TACR1: variants seen among roughly 807,000 people sequenced by gnomAD.
TACR1 encodes the protein substance-P receptor.
TACR1 carries 25 observed loss-of-function variants against 35.8 expected under a neutral mutation model. The ratio of observed to expected loss-of-function variants is 0.70; its 90% CI spans 0.51 to 0.98. TACR1 has a LOEUF of 0.98. Ranked by LOEUF, TACR1 falls within the 50% of genes least tolerant of loss-of-function variation. The pLI is 0.00. For missense variants in TACR1, 478 were observed against 522.9 expected, an observed-to-expected ratio of 0.91 and a Z score of 0.84; for synonymous variants, 195 against 206.7, an observed-to-expected ratio of 0.94 and a Z score of 0.48.
chr2:75,077,034 G>A (rs1366939078), intron 2 of TACR1, among the ~76,000 whole-genome samples: 1 of 152,068 alleles, frequency 6.6e-6, no homozygotes, highest in African/African-American at 2.4e-5. Flanking sequence ...GCAATGGCTC[G>A]ATCTTGGCTC....
intron 2 of TACR1, among the ~76,000 whole-genome samples, chr2:75,091,737 T>C (rs1307362071): frequency 6.6e-6 from 1 of 152,126 alleles, no homozygotes; most frequent in East Asian, 1.9e-4. Context: ...AGAAGTGGGT[T>C]CCAAAACTTA....
At chr2:75,082,744 T>G (rs1673114406) in intron 2 of TACR1, among the ~76,000 whole-genome samples, 1 of 152,288 alleles carries the variant, frequency 6.6e-6, no homozygotes, top group African/African-American at 2.4e-5. Flanking sequence ...TGTCTTTTCA[T>G]ATCCTTCATG....
At chr2:75,121,584 T>C (rs1673972315) in intron 1 of TACR1, among the ~76,000 whole-genome samples, 1 of 152,206 alleles carries the variant, frequency 6.6e-6, no homozygotes, top group Non-Finnish European at 1.5e-5. Context: ...GCACAGCCCC[T>C]GAGATGTTGC....
chr2:75,067,722 G>A (rs934979172), intron 2 of TACR1, among the ~76,000 whole-genome samples: 6 of 152,142 alleles, frequency 3.9e-5, no homozygotes, highest in Non-Finnish European at 7.4e-5. Context: ...GGTGCCCCAT[G>A]CAGAGACAAA....
intron 1 of TACR1, among the ~76,000 whole-genome samples, chr2:75,160,870 C>G (rs1002718619): frequency 3.3e-5 from 5 of 150,272 alleles, no homozygotes; most frequent in African/African-American, 1.2e-4. Context: ...CAGAGATATT[C>G]TGATATATTT....
At chr2:75,165,605 G>A (rs1675122510) in intron 1 of TACR1, among the ~76,000 whole-genome samples, 1 of 152,140 alleles carries the variant, frequency 6.6e-6, no homozygotes, top group African/African-American at 2.4e-5. Context: ...ACTGCGCCTG[G>A]CCCCATCTTC....
chr2:75,111,346 A>T (rs559911692), intron 2 of TACR1, among the ~76,000 whole-genome samples: 3 of 152,118 alleles, frequency 2.0e-5, no homozygotes, highest in African/African-American at 7.2e-5. Flanking sequence ...ATCCAGTTTT[A>T]TGGTTAGTCC....
At chr2:75,184,696 GTTAAA>G (rs1487842753) in intron 1 of TACR1, among the ~76,000 whole-genome samples, 1 of 150,892 alleles carries the variant, frequency 6.6e-6, no homozygotes, top group Admixed American at 6.6e-5. Flanking sequence ...AACCAAAAAA[GTTAAA>G]TTTATATATA....
chr2:75,055,256 TCCCTCTG>T (rs1033080818), intron 2 of TACR1, among the ~76,000 whole-genome samples: 1 of 152,238 alleles, frequency 6.6e-6, no homozygotes, highest in African/African-American at 2.4e-5. Context: ...ACTTATTCAG[TCCCTCTG>T]CATATCAAAT....
Position 75,068,770 on chromosome 2 carries a change from T to A in TACR1, c.585-15015A>T, listed in dbSNP as rs77145420. ...ATTGGGTAAATAGCACCCCCTTGAG[T>A]TGTGCAATCCACTTGACCCTGAGAG... On this transcript the variant is annotated intron_variant, in intron 2 of 4. Transcript: ENST00000305249. 8.8e-3 allele frequency among the ~76,000 whole-genome samples: 1,343 copies of A among 152,076 alleles called. 12 individuals are homozygous for A. Among genetic ancestry groups the A allele is most frequent in the African/African-American group, 0.031 (1,268 of 41,476 alleles).
At chr2:75,186,587 G>A (rs1180730927) in intron 1 of TACR1, among the ~76,000 whole-genome samples, 2 of 151,214 alleles carry the variant, frequency 1.3e-5, no homozygotes, top group Non-Finnish European at 1.5e-5. Flanking sequence ...AAACTAAAAT[G>A]TGATCAGAAA....
intron 1 of TACR1, among the ~76,000 whole-genome samples, chr2:75,174,429 C>G (rs547538552): frequency 6.6e-6 from 1 of 152,144 alleles, no homozygotes; most frequent in African/African-American, 2.4e-5. Flanking sequence ...GTAGCATAGA[C>G]AGTAGATACA....
chr2:75,090,803 T>G (rs1673293835), intron 2 of TACR1: 1 of 153,926 alleles, frequency 6.5e-6, no homozygotes, highest in Non-Finnish European at 1.5e-5. Context: ...GATCCCAAAG[T>G]CATCCTCTCT....
At chr2:75,069,715 G>A (rs72807354) in intron 2 of TACR1, among the ~76,000 whole-genome samples, 37,165 of 151,986 alleles carry the variant, frequency 0.24, 5,869 homozygotes, top group African/African-American at 0.42. Flanking sequence ...GATATTTTGT[G>A]GACAGTCCCT....
intron 1 of TACR1, chr2:75,188,712 C>T (rs563746697): frequency 6.6e-6 from 1 of 152,278 alleles, no homozygotes; most frequent in African/African-American, 2.4e-5. Flanking sequence ...TCTAATCATC[C>T]AGTTGGAGGA....
chr2:75,053,865 A>T, intron 2 of TACR1, 110 bp from the exon 3 acceptor site: 1 of 1,427,058 alleles, frequency 7.0e-7, no homozygotes, highest in African/African-American at 1.4e-5. Flanking sequence ...TTCTCAGCAT[A>T]TGCCATTAAT....
At chr2:75,151,277 A>T (rs553029109) in intron 1 of TACR1, among the ~76,000 whole-genome samples, 1 of 152,266 alleles carries the variant, frequency 6.6e-6, no homozygotes, top group South Asian at 2.1e-4. Context: ...CATGTCAGAG[A>T]CCTTCATGGC....
chr2:75,183,498 C>G (rs1675608789), intron 1 of TACR1, among the ~76,000 whole-genome samples: 1 of 152,180 alleles, frequency 6.6e-6, no homozygotes, highest in South Asian at 2.1e-4. Context: ...GTCTGCATTG[C>G]TATACTGTGC....
chr2:75,125,615 C>T (rs935419012), intron 1 of TACR1, among the ~76,000 whole-genome samples: 1 of 152,138 alleles, frequency 6.6e-6, no homozygotes, highest in Non-Finnish European at 1.5e-5. Flanking sequence ...TGGCACATAG[C>T]AGTGGCTTCA....
Sources: gnomAD v4.1 joint callset for allele counts (sites outside exome capture counted in the v4.1 genomes callset) on GRCh38, gnomAD v4.1.1 for gene constraint, MANE v1.5 for transcripts, NCBI Gene and HGNC (gene_info 2026-07-23, HGNC 2026-07-21) for gene names.